Variants in PHAX observed in about 807,000 individuals in gnomAD.
PHAX encodes the protein phosphorylated adapter RNA export protein.
PHAX carries 31 observed loss-of-function variants against 41.6 expected under a neutral mutation model. That is an observed-to-expected ratio of 0.75 (90% confidence interval 0.56 to 1.01). The LOEUF (loss-of-function observed/expected upper bound fraction) is 1.01. Ranked by LOEUF, PHAX falls within the 50% of genes least tolerant of loss-of-function variation. The pLI is 0.00. For synonymous variants in PHAX, 175 were observed against 164.9 expected (o/e 1.06, Z -0.47); for missense variants, 453 against 472.9 (o/e 0.96, Z 0.39).
At chr5:126,610,122 G>A (rs1752065434) in intron 3 of PHAX, among the ~76,000 whole-genome samples, 1 of 152,152 alleles carries the variant, frequency 6.6e-6, no homozygotes, top group Admixed American at 6.6e-5. Flanking sequence ...AAATTTCCTG[G>A]GTATAAGAAT....
chr5:126,615,109 CT>C (rs34630842), intron 3 of PHAX, among the ~76,000 whole-genome samples: 9,116 of 145,990 alleles, frequency 0.062, 320 homozygotes, highest in South Asian at 0.11. Context: ...CTATACCTTG[CT>C]TTTTTTTTTT....
chr5:126,622,442 A>ATTTTTTTTT (rs56297404), intron 4 of PHAX, among the ~76,000 whole-genome samples: 7 of 56,074 alleles, frequency 1.2e-4, no homozygotes, highest in African/African-American at 2.5e-4. Flanking sequence ...TAATTTTTGT[A>ATTTTTTTTT]TTTTTTTTTT....
At position 126,603,975 on chromosome 5, in the gene PHAX, A is replaced by G. The variant is rs773175086; in HGVS notation, c.502A>G (p.Thr168Ala). 4 of 1,614,146 alleles carry G rather than the reference A, an allele frequency of 2.5e-6. No individual in the cohort carries two copies. In the East Asian group the frequency reaches 6.7e-5, roughly 27 times the overall value. Residue 168 changes from threonine to alanine, a missense_variant, in exon 2 of 5, where the codon ACA becomes GCA. Thr to Ala is a moderately conservative substitution (Grantham distance 58). Transcript: ENST00000297540. ...ACTTAGGAAGGAATCTCAAGAGCAT[A>G]CAAAAGATCTAGACAAGGAACTAGA... ...KKLRKESQEH[T>A]KDLDKELDEY...
intron 4 of PHAX, among the ~76,000 whole-genome samples, chr5:126,618,951 C>G (rs536503716): frequency 3.9e-5 from 6 of 152,002 alleles, no homozygotes; most frequent in African/African-American, 7.2e-5. Flanking sequence ...CCACCACGCC[C>G]GGCCGGAGAC....
rs1020646458 is a variant in PHAX at position 126,625,257 on chromosome 5, A to C, written c.*413A>C. The C allele has an allele frequency of 6.4e-6, 1 of 157,108 alleles. No homozygotes were observed. The highest frequency in any genetic ancestry group is 2.4e-5 in the African/African-American group (1 of 41,512). 9.7% of individuals were successfully genotyped at this position (157,108 alleles called of 1,614,324 possible). A position where few individuals can be genotyped will look rare whatever the true frequency, so the allele number is the denominator to read the frequency against. ...TATTAAGCTGTTAGAAATGCATTCA[A>C]ATTTGTTTTTTCTGTGTTCTAAGAA... is the stretch of plus-strand genomic sequence containing the variant. On this transcript the variant is annotated 3_prime_UTR_variant, in exon 5 of 5. Coordinates refer to ENST00000297540, the MANE Select transcript of PHAX (RefSeq NM_032177.4).
chr5:126,608,606 A>C, intron 3 of PHAX, 122 bp downstream of exon 3: 1 of 761,356 alleles, frequency 1.3e-6, no homozygotes. Context: ...AGTATGTTTG[A>C]AGTTTTTAAA....
In PHAX at chr5:126,626,516, A is replaced by T. The variant is rs1446632715; in HGVS notation, c.*1672A>T. 6.6e-6 allele frequency: 1 copy of T among 150,900 alleles called. No homozygotes were observed. The highest frequency in any genetic ancestry group is 1.5e-5 in the Non-Finnish European group (1 of 67,964). The allele number at this position is 150,900 out of a possible 1,614,324, so 9.3% of individuals were successfully genotyped here. ...CACTTTGGGAGGTGGAGGCGGGTGG[A>T]TCACAAGGTCAAGAGATCGAGACCA... On this transcript the variant is annotated 3_prime_UTR_variant, in exon 5 of 5. Coordinates refer to ENST00000297540, the MANE Select transcript of PHAX (RefSeq NM_032177.4).
chr5:126,610,507 A>G lies in PHAX; in HGVS notation c.831+2023A>G, dbSNP rs373131316. 5.3e-5 allele frequency among the ~76,000 whole-genome samples: 8 copies of G among 152,242 alleles called. No individual in the cohort carries two copies. In the East Asian group the frequency reaches 1.5e-3, roughly 29 times the overall value. On this transcript the variant is annotated intron_variant, in intron 3 of 4. Coordinates refer to ENST00000297540, the MANE Select transcript of PHAX (RefSeq NM_032177.4). The stretch of plus-strand genomic sequence containing the variant: ...ACAGAAGTCAAAACAGAAGTTAGCA[A>G]CAAAAGAAATTATAATAATCATGAA...
chr5:126,623,107 C>G (rs1169295286), intron 4 of PHAX, among the ~76,000 whole-genome samples: 1 of 151,182 alleles, frequency 6.6e-6, no homozygotes, highest in Non-Finnish European at 1.5e-5. Flanking sequence ...GCCTGGGTGA[C>G]AGAGCCAGAC....
intron 2 of PHAX, among the ~76,000 whole-genome samples, 157 bp downstream of exon 2, chr5:126,604,340 A>ACTGCAAC (rs1413074412): frequency 4.5e-5 from 6 of 133,442 alleles, no homozygotes; most frequent in Admixed American, 1.8e-4. Context: ...GCAGTTACTC[A>ACTGCAAC]CTGCAACCTC....
At chr5:126,618,936 A>G (rs1188142830) in intron 4 of PHAX, among the ~76,000 whole-genome samples, 1 of 151,990 alleles carries the variant, frequency 6.6e-6, no homozygotes, top group African/African-American at 2.4e-5. Flanking sequence ...GGATTCAGGC[A>G]TGAGCCACCA....
At chr5:126,612,979 C>A (rs905854496) in intron 3 of PHAX, among the ~76,000 whole-genome samples, 21 of 152,152 alleles carry the variant, frequency 1.4e-4, no homozygotes, top group Admixed American at 1.4e-3. Context: ...TTCACATTGG[C>A]TTCAAAGTCT....
chr5:126,626,080 G>A lies in PHAX; in HGVS notation c.*1236G>A, dbSNP rs937560087. The A allele has an allele frequency of 4.6e-5, 7 of 152,094 alleles. No individual in the cohort carries two copies. The highest frequency in any genetic ancestry group is 1.4e-4 in the African/African-American group (6 of 41,410). The allele number at this position is 152,094 out of a possible 1,614,324, so 9.4% of individuals were successfully genotyped here. A position where few individuals can be genotyped will look rare whatever the true frequency, so the allele number is the denominator to read the frequency against. On this transcript the variant is annotated 3_prime_UTR_variant, in exon 5 of 5. Transcript: ENST00000297540. Reference sequence around the variant, plus strand: ...TGTGATCTCCTGTGGATTACCACATGCATTAAAAAATTTTTCAAGCTGGGC... The same window carrying A: ...TGTGATCTCCTGTGGATTACCACATACATTAAAAAATTTTTCAAGCTGGGC...
intron 2 of PHAX, among the ~76,000 whole-genome samples, chr5:126,607,226 C>T (rs897453139): frequency 6.6e-6 from 1 of 152,004 alleles, no homozygotes; most frequent in African/African-American, 2.4e-5. Context: ...AATTTGAGTG[C>T]TGGAAAGAAA....
intron 3 of PHAX, among the ~76,000 whole-genome samples, chr5:126,613,981 G>T (rs1481060796): frequency 1.3e-5 from 2 of 151,982 alleles, no homozygotes; most frequent in Non-Finnish European, 2.9e-5. Context: ...TCACCATGTT[G>T]CCCAGGCTGG....
rs776203732 is a variant in PHAX, at chr5:126,600,954, C to T, written c.-9C>T. Reference sequence around the variant, plus strand: ...CCCGCCGCTGTGCAGCGCAGCGCACCGCGGGAAGATGGCGTTGGAGGTCGG... The same window carrying T: ...CCCGCCGCTGTGCAGCGCAGCGCACTGCGGGAAGATGGCGTTGGAGGTCGG... On this transcript the variant is annotated 5_prime_UTR_variant, in exon 1 of 5. Coordinates refer to ENST00000297540, the MANE Select transcript of PHAX (RefSeq NM_032177.4). 1.3e-6 allele frequency: 2 copies of T among 1,596,034 alleles called. No homozygotes were observed. The highest frequency in any genetic ancestry group is 2.3e-5 in the East Asian group (1 of 43,230).
At chr5:126,622,104 C>T (rs967307899) in intron 4 of PHAX, among the ~76,000 whole-genome samples, 2 of 151,954 alleles carry the variant, frequency 1.3e-5, no homozygotes, top group African/African-American at 4.8e-5. Flanking sequence ...CAGGTGCCCG[C>T]CACCACGCCT....
chr5:126,611,478 A>G (rs1176165539), intron 3 of PHAX, among the ~76,000 whole-genome samples: 1 of 152,200 alleles, frequency 6.6e-6, no homozygotes, highest in Non-Finnish European at 1.5e-5. Flanking sequence ...TATAAACAAT[A>G]AATATAACTT....
In PHAX at chr5:126,625,562, A is replaced by C. The variant is rs1243314687; in HGVS notation, c.*718A>C. On this transcript the variant is annotated 3_prime_UTR_variant, in exon 5 of 5. Coordinates refer to ENST00000297540, the MANE Select transcript of PHAX (RefSeq NM_032177.4). ...CAGTGAGCTGAGATCGTACCACTGT[A>C]CTCCAGCCTGGGCGACAGAGCAAGA... is the stretch of plus-strand genomic sequence containing the variant. 1 of 149,462 alleles carries C rather than the reference A, an allele frequency of 6.7e-6. No individual in the cohort carries two copies. Among genetic ancestry groups the C allele is most frequent in the African/African-American group, 2.5e-5 (1 of 40,236 alleles). The allele number at this position is 149,462 out of a possible 1,614,324, so 9.3% of individuals were successfully genotyped here.
Sources: gnomAD v4.1 joint callset for allele counts (sites outside exome capture counted in the v4.1 genomes callset) on GRCh38, gnomAD v4.1.1 for gene constraint, MANE v1.5 for transcripts, NCBI Gene and HGNC (gene_info 2026-07-23, HGNC 2026-07-21) for gene names.